Variants in TFAP2B observed in about 807,000 individuals in gnomAD.
TFAP2B encodes the protein transcription factor AP-2-beta.
In TFAP2B, 9 loss-of-function variants were observed where a neutral mutation model predicts 44.3. The ratio of observed to expected loss-of-function variants is 0.20; its 90% CI spans 0.12 to 0.35. TFAP2B has a LOEUF of 0.35. TFAP2B is among the 10% of genes least tolerant of loss of function. TFAP2B has a pLI of 1.00. For synonymous variants in TFAP2B, 270 were observed against 263.8 expected (o/e 1.02, Z -0.23); for missense variants, 509 against 600.0 (o/e 0.85, Z 1.59).
At position 50,845,270 on chromosome 6, in the gene TFAP2B, C is replaced by T. The variant is rs368098752; in HGVS notation, c.*1878C>T. The T allele has an allele frequency of 6.0e-4, 91 of 152,362 alleles. No homozygotes were observed. The highest frequency in any genetic ancestry group is 2.1e-3 in the African/African-American group (89 of 41,558). 9.4% of individuals were successfully genotyped at this position (152,362 alleles called of 1,614,324 possible). On this transcript the variant is annotated 3_prime_UTR_variant, in exon 7 of 7. Coordinates refer to ENST00000393655, the MANE Select transcript of TFAP2B (RefSeq NM_003221.4). ...ATTTATAGTTAGGACCCACTCAATT[C>T]TCCAGGACTCCCGGTTTTGCCCCCC... is the stretch of plus-strand genomic sequence containing the variant.
chr6:50,837,879 C>T, intron 4 of TFAP2B, 96 bp from the exon 5 acceptor site: 1 of 996,760 alleles, frequency 1.0e-6, no homozygotes, highest in South Asian at 1.3e-5. Flanking sequence ...CAAGTTAAAA[C>T]CTCTTCAAGC....
Position 50,831,064 on chromosome 6 carries a change from G to GTCTCTA in TFAP2B, c.601+2393_601+2398dup, listed in dbSNP as rs538744086. ...GAAGACTTAGGCATAAATGATGCAT[G>GTCTCTA]TCTCTATCTCTATGTCTCTTTCTCC... On this transcript the variant is annotated intron_variant, in intron 3 of 6. Coordinates refer to ENST00000393655, the MANE Select transcript of TFAP2B (RefSeq NM_003221.4). 5.8e-4 allele frequency among the ~76,000 whole-genome samples: 88 copies of GTCTCTA among 152,294 alleles called. No homozygotes were observed. The South Asian group carries it at 6.2e-3, about 11-fold the overall frequency.
chr6:50,823,213 C>G (rs891534128), intron 1 of TFAP2B, among the ~76,000 whole-genome samples, 194 bp from the exon 2 acceptor site: 1 of 152,166 alleles, frequency 6.6e-6, no homozygotes, highest in Non-Finnish European at 1.5e-5. Flanking sequence ...ATGTGGCCCT[C>G]TGAGTCAACT....
chr6:50,832,436 A>AT (rs1007698859), intron 3 of TFAP2B, among the ~76,000 whole-genome samples: 2 of 152,044 alleles, frequency 1.3e-5, no homozygotes, highest in Admixed American at 6.6e-5. Context: ...TGTGGAAATT[A>AT]TTTTTTTCCC....
chr6:50,830,257 A>T, intron 3 of TFAP2B: 1 of 977,270 alleles, frequency 1.0e-6, no homozygotes, highest in Non-Finnish European at 1.2e-6. Flanking sequence ...TGGCAGGGGA[A>T]CATGCCCAAC....
At position 50,818,897 on chromosome 6, in the gene TFAP2B, C is replaced by G. The variant is rs769853484; in HGVS notation, c.6C>G (p.His2Gln). The G allele has an allele frequency of 6.2e-7, 1 of 1,614,022 alleles. No homozygotes were observed. Among genetic ancestry groups the G allele is most frequent in the Admixed American group, 1.7e-5 (1 of 60,010 alleles). Residue 2 changes from histidine to glutamine, a missense_variant, in exon 1 of 7, where the codon CAC (histidine) becomes CAG (glutamine). This residue lies in a region of TFAP2B where 296 missense variants were observed against 308.2 expected (regional missense o/e 0.96). Coordinates refer to ENST00000393655, the MANE Select transcript of TFAP2B (RefSeq NM_003221.4). Reference sequence around the variant, plus strand: ...GACATCTGCTCCTCACATGAATGCACTCACCTCCTAGAGACCAGGCTGCCA... The same window carrying G: ...GACATCTGCTCCTCACATGAATGCAGTCACCTCCTAGAGACCAGGCTGCCA... M[H>Q]SPPRDQAAIM...
chr6:50,822,257 CTG>C lies in TFAP2B; in HGVS notation c.82-1148_82-1147del. ...TGTGTGTGTGTGTGTCTCACACTCT[CTG>C]TCTCTCTCTGTCTTCCTTTGAGCGC... is the stretch of plus-strand genomic sequence containing the variant. On this transcript the variant is annotated intron_variant, in intron 1 of 6. Coordinates refer to ENST00000393655, the MANE Select transcript of TFAP2B (RefSeq NM_003221.4). The C allele has an allele frequency of 4.8e-6, 5 of 1,037,342 alleles. No homozygotes were observed. The South Asian group carries it at 5.4e-5, about 11-fold the overall frequency. The allele number at this position is 1,037,342 out of a possible 1,614,324, so 64.3% of individuals were successfully genotyped here. A position where few individuals can be genotyped will look rare whatever the true frequency, so the allele number is the denominator to read the frequency against.
Position 50,823,869 on chromosome 6 carries a change from A to T in TFAP2B, c.540+4A>T. 1 of 1,515,786 alleles carries T rather than the reference A, an allele frequency of 6.6e-7. No individual in the cohort carries two copies. Among genetic ancestry groups the T allele is most frequent in the African/African-American group, 1.8e-5 (1 of 54,442 alleles). 93.9% of individuals were successfully genotyped at this position (1,515,786 alleles called of 1,614,324 possible). On this transcript the variant is annotated splice_donor_region_variant and intron_variant, in intron 2 of 6. Transcript: ENST00000393655. Reference sequence around the variant, plus strand: ...TCCCGGAATGGAAGACGTCCAGGTAACCACAAACAAACAAACAAACAAACA... The same window carrying T: ...TCCCGGAATGGAAGACGTCCAGGTATCCACAAACAAACAAACAAACAAACA...
chr6:50,837,251 G>A (rs1277290567), intron 4 of TFAP2B, among the ~76,000 whole-genome samples: 1 of 152,168 alleles, frequency 6.6e-6, no homozygotes, highest in Non-Finnish European at 1.5e-5. Context: ...GTGTGACCCA[G>A]GAACTTTCTC....
intron 6 of TFAP2B, 99 bp from the exon 7 acceptor site, chr6:50,842,993 G>A: frequency 2.6e-6 from 4 of 1,515,204 alleles, no homozygotes; most frequent in Non-Finnish European, 3.7e-6. Flanking sequence ...TCGCTCTTCG[G>A]TGACCCGGCG....
chr6:50,840,579 T>C (rs1479113949), intron 6 of TFAP2B, among the ~76,000 whole-genome samples: 1 of 152,164 alleles, frequency 6.6e-6, no homozygotes, highest in East Asian at 1.9e-4. Context: ...GGAGTTCTTG[T>C]TCCAGCTCTT....
chr6:50,836,421 G>A (rs1223264200), intron 4 of TFAP2B, 141 bp downstream of exon 4: 1 of 796,728 alleles, frequency 1.3e-6, no homozygotes, highest in Non-Finnish European at 2.1e-6. Context: ...CCGGGTGGCC[G>A]GAGCATTGCT....
In TFAP2B at chr6:50,823,435, G is replaced by T; in HGVS notation, c.110G>T (p.Ser37Ile). The T allele has an allele frequency of 6.2e-7, 1 of 1,604,548 alleles. No individual in the cohort carries two copies. Among genetic ancestry groups the T allele is most frequent in the Non-Finnish European group, 8.5e-7 (1 of 1,175,864 alleles). ...CGGCACGATGGTGTCCCGAGCCACA[G>T]CTCGCGGCTCTCCCAGCTGGGCTCG... ...EDRHDGVPSH[S>I]SRLSQLGSVS... The change falls in exon 2 of 7, where the codon AGC becomes ATC. Residue 37 changes from serine (S) to isoleucine (I), a missense_variant. By Grantham distance (142) the Ser-to-Ile change is moderately radical (BLOSUM62 -2). Transcript: ENST00000393655.
chr6:50,836,029 C>T (rs1207458742), intron 3 of TFAP2B, 32 bp from the exon 4 acceptor site: 2 of 1,576,454 alleles, frequency 1.3e-6, no homozygotes, highest in Non-Finnish European at 1.7e-6. Context: ...GAAACTTGGT[C>T]ACCTTTATGG....
intron 2 of TFAP2B, among the ~76,000 whole-genome samples, chr6:50,825,334 G>A (rs903260500): frequency 2.0e-5 from 3 of 151,904 alleles, no homozygotes; most frequent in Admixed American, 2.0e-4. Context: ...GTGTCTCGAG[G>A]GGAAAAGTTT....
At chr6:50,824,863 C>A (rs967400480) in intron 2 of TFAP2B, among the ~76,000 whole-genome samples, 2 of 152,068 alleles carry the variant, frequency 1.3e-5, no homozygotes, top group Non-Finnish European at 2.9e-5. Context: ...GCTTTTTCAC[C>A]CTAAGTTAAA....
In TFAP2B at chr6:50,846,434, G is replaced by A. The variant is rs1465855921; in HGVS notation, c.*3042G>A. On this transcript the variant is annotated 3_prime_UTR_variant, in exon 7 of 7. Transcript: ENST00000393655. ...TTTAAGGCAAGCCCCTTTGAGCTTT[G>A]TTTTCAAACCAAACAGGTGAGTTGC... The A allele has an allele frequency of 1.3e-5, 2 of 152,760 alleles. No homozygotes were observed. The highest frequency in any genetic ancestry group is 2.1e-4 in the South Asian group (1 of 4,818). The allele number at this position is 152,760 out of a possible 1,614,324, so 9.5% of individuals were successfully genotyped here.
intron 3 of TFAP2B, among the ~76,000 whole-genome samples, chr6:50,831,792 GTTTA>G (rs1762502200): frequency 6.6e-6 from 1 of 152,202 alleles, no homozygotes; most frequent in Admixed American, 6.5e-5. Flanking sequence ...TATGCAATCT[GTTTA>G]ACACCTTAGA....
rs989495420 is a variant in TFAP2B at position 50,821,197 on chromosome 6, G to A, written c.82-2210G>A. ...GTGTATTTGAAGATTGATGGCGTAT[G>A]TTTTAAATTGAGGTAAAAATCGCAA... is the stretch of plus-strand genomic sequence containing the variant. On this transcript the variant is annotated intron_variant, in intron 1 of 6. Transcript: ENST00000393655. Among the ~76,000 whole-genome samples, 3 of 152,330 alleles carry A rather than the reference G, an allele frequency of 2.0e-5. No homozygotes were observed. The South Asian group carries it at 6.2e-4, about 32-fold the overall frequency.
Sources: allele counts gnomAD v4.1 joint callset (sites outside exome capture counted in the v4.1 genomes callset), GRCh38; gene constraint gnomAD v4.1.1; regional missense constraint gnomAD v4.1.1; transcripts MANE v1.5; gene names NCBI Gene and HGNC (gene_info 2026-07-23, HGNC 2026-07-21).